The following KLF7 variants were observed in gnomAD, a reference collection of about 807,000 sequenced individuals.
KLF7 encodes the protein KLF transcription factor 7, also known as Krueppel-like factor 7.
Under a neutral mutation model 27.3 loss-of-function variants are expected in KLF7, and 2 were observed. The observed-to-expected ratio is 0.07, with a 90% CI of 0.03 to 0.23. The LOEUF is 0.23. KLF7 is among the 10% of genes least tolerant of loss of function. The pLI, the probability that KLF7 is intolerant of heterozygous loss-of-function variation, is 1.00. For missense variants in KLF7, 221 were observed against 394.1 expected (o/e 0.56, Z 3.72); for synonymous variants, 165 against 162.4 (o/e 1.02, Z -0.12).
chr2:207,118,385 T>A (rs527329335), intron 2 of KLF7, among the ~76,000 whole-genome samples: 1 of 152,268 alleles, frequency 6.6e-6, no homozygotes, highest in Admixed American at 6.5e-5. Context: ...CTCAGTCACC[T>A]GATGAGGCAA....
In KLF7 at chr2:207,134,000, G is replaced by A. The variant is rs771631137; in HGVS notation, c.103-9596C>T. On this transcript the variant is annotated intron_variant, in intron 1 of 3. Transcript: ENST00000309446. ...AGCCCGCTCTTATGCACCCCCACCCGCTCCTGTTAACTTTGCACACACACT... is the reference window on the plus strand; with the variant it reads ...AGCCCGCTCTTATGCACCCCCACCCACTCCTGTTAACTTTGCACACACACT... 95 of 1,253,412 alleles carry A rather than the reference G, an allele frequency of 7.6e-5. 3 individuals are homozygous for A. The South Asian group carries it at 1.1e-3, about 14-fold the overall frequency. 77.6% of individuals were successfully genotyped at this position (1,253,412 alleles called of 1,614,324 possible).
At chr2:207,101,158 C>A (rs886950266) in intron 2 of KLF7, among the ~76,000 whole-genome samples, 1 of 152,186 alleles carries the variant, frequency 6.6e-6, no homozygotes, top group African/African-American at 2.4e-5. Context: ...TCTAACTCAC[C>A]GGCAATGAAA....
chr2:207,111,411 C>G (rs2077034090), intron 2 of KLF7, among the ~76,000 whole-genome samples: 1 of 152,218 alleles, frequency 6.6e-6, no homozygotes, highest in African/African-American at 2.4e-5. Context: ...GAATCTGGCT[C>G]TGCTCCTCAA....
In KLF7 at chr2:207,080,668, A is replaced by C. The variant is rs2076250368; in HGVS notation, c.*545T>G. ...TCACACACAAAGGACAAATAAACCA[A>C]GAGTTAATTTTGGCTACCAAACTGC... On this transcript the variant is annotated 3_prime_UTR_variant, in exon 4 of 4. Coordinates refer to ENST00000309446, the MANE Select transcript of KLF7 (RefSeq NM_003709.4). 2.5e-6 allele frequency: 1 copy of C among 396,828 alleles called. No individual in the cohort carries two copies. The highest frequency in any genetic ancestry group is 4.4e-6 in the Non-Finnish European group (1 of 225,378). The allele number at this position is 396,828 out of a possible 1,614,324, so 24.6% of individuals were successfully genotyped here. A position where few individuals can be genotyped will look rare whatever the true frequency, so the allele number is the denominator to read the frequency against.
At chr2:207,165,327 T>G (rs1359222077) in intron 1 of KLF7, 140 bp downstream of exon 1, 1 of 1,263,488 alleles carries the variant, frequency 7.9e-7, no homozygotes, top group Non-Finnish European at 1.1e-6. Context: ...TCAGAAAACA[T>G]TTTCAACAAC....
upstream of KLF7, chr2:207,166,381 G>C (rs936907850): frequency 5.9e-6 from 1 of 169,850 alleles, no homozygotes; most frequent in South Asian, 1.9e-4. Context: ...CGGCCGCCCG[G>C]CGGCCGGGCA....
chr2:207,107,825 C>T lies in KLF7; in HGVS notation c.733+15949G>A, dbSNP rs75840016. 1.6e-3 allele frequency among the ~76,000 whole-genome samples: 237 copies of T among 152,336 alleles called. 2 individuals are homozygous for T. The highest frequency in any genetic ancestry group is 5.4e-3 in the African/African-American group (224 of 41,582). ...GGTGACCTCTCAAACCGTGTCAAAA[C>T]GGACCCTTGACCCAGAGACCTCAAA... On this transcript the variant is annotated intron_variant, in intron 2 of 3. Transcript: ENST00000309446.
At chr2:207,136,934 C>G (rs1206045780) in intron 1 of KLF7, among the ~76,000 whole-genome samples, 3 of 152,294 alleles carry the variant, frequency 2.0e-5, no homozygotes, top group East Asian at 1.9e-4. Context: ...ACTCATCAGA[C>G]AGAAGCCAAA....
chr2:207,137,076 A>AC (rs1369536916), intron 1 of KLF7, among the ~76,000 whole-genome samples: 2 of 150,936 alleles, frequency 1.3e-5, no homozygotes, highest in Non-Finnish European at 3.0e-5. Flanking sequence ...AACAAAACCC[A>AC]CCCCTCCCCT....
chr2:207,080,706 T>C lies in KLF7; in HGVS notation c.*507A>G. 1 of 397,978 alleles carries C rather than the reference T, an allele frequency of 2.5e-6. No homozygotes were observed. Among genetic ancestry groups the C allele is most frequent in the Non-Finnish European group, 4.4e-6 (1 of 225,916 alleles). The allele number at this position is 397,978 out of a possible 1,614,324, so 24.7% of individuals were successfully genotyped here. On this transcript the variant is annotated 3_prime_UTR_variant, in exon 4 of 4. Coordinates refer to ENST00000309446, the MANE Select transcript of KLF7 (RefSeq NM_003709.4). ...GCTACCAAACTGCAATTTGGTTTTC[T>C]AGGTCATTTTCCCCCAACTATTTAA...
At chr2:207,154,220 A>T (rs2078319967) in intron 1 of KLF7, among the ~76,000 whole-genome samples, 1 of 152,232 alleles carries the variant, frequency 6.6e-6, no homozygotes, top group Non-Finnish European at 1.5e-5. Context: ...AAGCTGCAGT[A>T]AGCTCAGTCA....
At chr2:207,167,720 G>C (rs1040748513), upstream of KLF7, among the ~76,000 whole-genome samples, 2 of 152,178 alleles carry the variant, frequency 1.3e-5, no homozygotes, top group African/African-American at 2.4e-5. Context: ...GACGCTGCCA[G>C]CTAACTAGCT....
rs568374355 is a variant in KLF7, at chr2:207,113,352, A to T, written c.733+10422T>A. 5.9e-5 allele frequency among the ~76,000 whole-genome samples: 9 copies of T among 152,268 alleles called. No homozygotes were observed. In the East Asian group the frequency reaches 1.3e-3, roughly 23 times the overall value. ...TATGCCGAGAAAGAAAGATTTGAAG[A>T]CTTTAATGTGTTTCCATAGCTAAAG... On this transcript the variant is annotated intron_variant, in intron 2 of 3. Coordinates refer to ENST00000309446, the MANE Select transcript of KLF7 (RefSeq NM_003709.4).
chr2:207,121,681 T>C (rs1331738211), intron 2 of KLF7: 2 of 152,218 alleles, frequency 1.3e-5, no homozygotes, highest in Non-Finnish European at 2.9e-5. Flanking sequence ...TAGTCCAACA[T>C]GAGGCAAGTA....
At chr2:207,144,656 C>T (rs1241655731) in intron 1 of KLF7, among the ~76,000 whole-genome samples, 1 of 152,164 alleles carries the variant, frequency 6.6e-6, no homozygotes, top group African/African-American at 2.4e-5. Context: ...TTTCGGTCAT[C>T]CTGCCACTAT....
chr2:207,149,806 T>C (rs1416274841), intron 1 of KLF7, among the ~76,000 whole-genome samples: 1 of 152,188 alleles, frequency 6.6e-6, no homozygotes, highest in African/African-American at 2.4e-5. Flanking sequence ...ACCAACTTTA[T>C]CCTGGGCTAG....
In KLF7 at chr2:207,078,528, T is replaced by C. The variant is rs987838541; in HGVS notation, c.*2685A>G. ...AGTTCGAAAATTAAATTAAGTATTATAAACCCTTAATAATAGCATTCGAGA... is the reference window on the plus strand; with the variant it reads ...AGTTCGAAAATTAAATTAAGTATTACAAACCCTTAATAATAGCATTCGAGA... On this transcript the variant is annotated 3_prime_UTR_variant, in exon 4 of 4. Transcript: ENST00000309446. 3 of 152,244 alleles carry C rather than the reference T, an allele frequency of 2.0e-5. No individual in the cohort carries two copies. The highest frequency in any genetic ancestry group is 7.2e-5 in the African/African-American group (3 of 41,460). The allele number at this position is 152,244 out of a possible 1,614,324, so 9.4% of individuals were successfully genotyped here.
rs367917697 is a variant in KLF7, at chr2:207,123,992, G to C, written c.515C>G (p.Ala172Gly). 6.2e-7 allele frequency: 1 copy of C among 1,614,086 alleles called. No homozygotes were observed. The highest frequency in any genetic ancestry group is 1.3e-5 in the African/African-American group (1 of 74,936). ...CCCTCCCACCTTTACGGAGCTGAGA[G>C]CAGCCTTCTTGGCCACCAGTTTCAA... ...VTLKLVAKKAALSSVKVGGVA... is the reference protein window; with the variant it reads ...VTLKLVAKKAGLSSVKVGGVA... The change falls in exon 2 of 4, where the codon GCT (alanine) becomes GGT (glycine). Residue 172 changes from alanine to glycine, a missense_variant. By Grantham distance (60) the Ala-to-Gly change is moderately conservative. This residue lies in a region of KLF7 where 180 missense variants were observed against 227.9 expected (regional missense o/e 0.79). Transcript: ENST00000309446.
intron 1 of KLF7, among the ~76,000 whole-genome samples, chr2:207,138,878 T>C (rs558740939): frequency 2.6e-4 from 40 of 152,236 alleles, no homozygotes; most frequent in Non-Finnish European, 5.0e-4. Flanking sequence ...TCGATGTTTG[T>C]GTCTGTGTCT....
Sources: gnomAD v4.1 joint callset for allele counts (sites outside exome capture counted in the v4.1 genomes callset) on GRCh38, gnomAD v4.1.1 for gene constraint, gnomAD v4.1.1 regional missense constraint, MANE v1.5 for transcripts, NCBI Gene and HGNC (gene_info 2026-07-23, HGNC 2026-07-21) for gene names.